The following ANXA11 variants were observed in gnomAD, a reference collection of about 807,000 sequenced individuals.
The protein encoded by ANXA11 is 56 kDa autoantigen.
ANXA11 carries 57 observed loss-of-function variants against 64.7 expected under a neutral mutation model. The ratio of observed to expected loss-of-function variants is 0.88; its 90% CI spans 0.71 to 1.10. The LOEUF is 1.10. ANXA11 is among the 50% of genes least tolerant of loss of function. ANXA11 has a pLI of 0.00. For missense variants in ANXA11, 675 were observed against 670.7 expected (o/e 1.01, Z -0.07); for synonymous variants, 260 against 265.2 (o/e 0.98, Z 0.19).
chr10:80,165,455 G>A (rs1480025365), intron 8 of ANXA11, among the ~76,000 whole-genome samples: 1 of 152,186 alleles, frequency 6.6e-6, no homozygotes, highest in Admixed American at 6.5e-5. Context: ...AGCCGGGCCC[G>A]TCAGAACCTG....
chr10:80,158,167 A>G, intron 13 of ANXA11, 142 bp from the exon 14 acceptor site: 1 of 763,424 alleles, frequency 1.3e-6, no homozygotes, highest in South Asian at 1.7e-5. Context: ...CTTCTGTTCC[A>G]GGCTCAACTA....
At position 80,157,669 on chromosome 10, in the gene ANXA11, T is replaced by A. The variant is rs771674112; in HGVS notation, c.1430A>T (p.Tyr477Phe). ...GATGTCGTGGTACAGCGACTTGCCG[T>A]ACATCCGCTTATACTCTGATCTGAT... is the stretch of plus-strand genomic sequence containing the variant. ...LDIRSEYKRM[Y>F]GKSLYHDISG... The change falls in exon 15 of 16, where the codon TAC (tyrosine) becomes TTC (phenylalanine). Residue 477 changes from tyrosine to phenylalanine, a missense_variant. By Grantham distance (22) the Tyr-to-Phe change is conservative. Coordinates refer to ENST00000422982, the MANE Select transcript of ANXA11 (RefSeq NM_145868.2). The A allele has an allele frequency of 1.2e-6, 2 of 1,613,850 alleles. No homozygotes were observed. Among genetic ancestry groups the A allele is most frequent in the East Asian group, 4.5e-5 (2 of 44,830 alleles).
rs1308503235 is a variant in ANXA11 at position 80,154,542 on chromosome 10, T to C, written c.*1311A>G. On this transcript the variant is annotated 3_prime_UTR_variant, in exon 16 of 16. Coordinates refer to ENST00000422982, the MANE Select transcript of ANXA11 (RefSeq NM_145868.2). ...ATAGTGCCTAGTCGATTCTCTCTTT[T>C]CTAAACCTCAACGCAGGAGGTTGGA... 1 of 152,260 alleles carries C rather than the reference T, an allele frequency of 6.6e-6. No homozygotes were observed. The highest frequency in any genetic ancestry group is 1.5e-5 in the Non-Finnish European group (1 of 68,068). The allele number at this position is 152,260 out of a possible 1,614,324, so 9.4% of individuals were successfully genotyped here.
chr10:80,176,357 T>A (rs1488102260), intron 1 of ANXA11, among the ~76,000 whole-genome samples: 1 of 152,208 alleles, frequency 6.6e-6, no homozygotes, highest in Non-Finnish European at 1.5e-5. Context: ...ACTGTGTATG[T>A]ACTAAGCTAA....
At chr10:80,158,238 A>C (rs903840581) in intron 13 of ANXA11, among the ~76,000 whole-genome samples, 5 of 151,608 alleles carry the variant, frequency 3.3e-5, no homozygotes, top group Non-Finnish European at 7.4e-5. Context: ...AAACCAACCC[A>C]CCCTCTTTCC....
chr10:80,171,250 C>G, intron 3 of ANXA11: 1 of 1,180,472 alleles, frequency 8.5e-7, no homozygotes, highest in South Asian at 2.0e-5. Context: ...CAGACAAGGA[C>G]AGACTGTTGT....
intron 1 of ANXA11, among the ~76,000 whole-genome samples, chr10:80,178,292 G>A (rs967296001): frequency 1.3e-5 from 2 of 152,006 alleles, no homozygotes; most frequent in African/African-American, 4.8e-5. Flanking sequence ...TCCTTTCCTT[G>A]CATGGGGCAA....
At chr10:80,175,844 G>A (rs1459629623) in intron 2 of ANXA11, among the ~76,000 whole-genome samples, 1 of 152,152 alleles carries the variant, frequency 6.6e-6, no homozygotes, top group Admixed American at 6.5e-5. Flanking sequence ...ATCACCTGAG[G>A]TCAGGAGTTC....
In ANXA11 at chr10:80,169,270, G is replaced by C. The variant is rs750354161; in HGVS notation, c.260C>G (p.Pro87Arg). Residue 87 changes from proline to arginine, a missense_variant, in exon 5 of 16, where the codon CCT becomes CGT. By Grantham distance (103) the Pro-to-Arg change is moderately radical. Transcript: ENST00000422982. ...AGAGGGGGGCTGCCCAAAGCCGCCA[G>C]GGGGCACTGGTGGGTAGCCAGCCCC... ...APGAGYPPVP[P>R]GGFGQPPSAQ... 6.2e-7 allele frequency: 1 copy of C among 1,611,858 alleles called. No individual in the cohort carries two copies. Among genetic ancestry groups the C allele is most frequent in the Non-Finnish European group, 8.5e-7 (1 of 1,179,660 alleles).
At chr10:80,162,924 G>A (rs1221208295) in intron 11 of ANXA11, among the ~76,000 whole-genome samples, 2 of 152,126 alleles carry the variant, frequency 1.3e-5, no homozygotes, top group Non-Finnish European at 2.9e-5. Context: ...CTCACAAGAG[G>A]GACAACGACA....
At chr10:80,202,204 A>AG (rs143388172) in intron 1 of ANXA11, among the ~76,000 whole-genome samples, 19 of 91,644 alleles carry the variant, frequency 2.1e-4, no homozygotes, top group South Asian at 6.7e-4. Context: ...GTGGGGGGGA[A>AG]GCGGGGGGTC....
rs554770182 is a variant in ANXA11, at chr10:80,194,525, G to T, written c.-58+10818C>A. 1.3e-4 allele frequency among the ~76,000 whole-genome samples: 3 copies of T among 22,402 alleles called. No individual in the cohort carries two copies. The African/African-American group carries it at 1.8e-3, about 13-fold the overall frequency. The allele number at this position is 22,402 out of a possible 152,430, so 14.7% of individuals were successfully genotyped here. A position where few individuals can be genotyped will look rare whatever the true frequency, so the allele number is the denominator to read the frequency against. ...TTAAGAGCCACTCCTAGGAAGAGTCGGGGGGGGAAGACAAAGAATTCAGAA... is the reference window on the plus strand; with the variant it reads ...TTAAGAGCCACTCCTAGGAAGAGTCTGGGGGGGAAGACAAAGAATTCAGAA... On this transcript the variant is annotated intron_variant, in intron 1 of 15. Transcript: ENST00000422982.
chr10:80,201,328 T>C (rs57747679), intron 1 of ANXA11, among the ~76,000 whole-genome samples: 12,944 of 152,158 alleles, frequency 0.085, 1,264 homozygotes, highest in African/African-American at 0.22. Context: ...TTCTGGGTCC[T>C]TTATAGGCTC....
intron 1 of ANXA11, among the ~76,000 whole-genome samples, chr10:80,201,906 A>C (rs1442437264): frequency 6.6e-6 from 1 of 152,048 alleles, no homozygotes; most frequent in Non-Finnish European, 1.5e-5. Context: ...ATGTCCTCCA[A>C]GTCAGCCATC....
chr10:80,159,041 T>A, intron 13 of ANXA11, 59 bp downstream of exon 13: 1 of 1,330,906 alleles, frequency 7.5e-7, no homozygotes, highest in Non-Finnish European at 1.1e-6. Context: ...GCGAGCAGCC[T>A]GAACACTCAC....
chr10:80,203,351 GC>G (rs1840521469), intron 1 of ANXA11, among the ~76,000 whole-genome samples: 1 of 152,004 alleles, frequency 6.6e-6, no homozygotes, highest in African/African-American at 2.4e-5. Context: ...CCCAGGGTGG[GC>G]CCTTTCTATA....
chr10:80,158,000 G>C lies in ANXA11; in HGVS notation c.1302C>G (p.Ala434=), dbSNP rs199870592. Residue 434 remains alanine (A), a synonymous_variant, in exon 14 of 16, where the codon GCC becomes GCG. Coordinates refer to ENST00000422982, the MANE Select transcript of ANXA11 (RefSeq NM_145868.2). Reference sequence around the variant, plus strand: ...CCTTGTTGAGCCTCTCCGCAAAGAAGGCTGGGGTATTCTTGAGACATTTCA... The same window carrying C: ...CCTTGTTGAGCCTCTCCGCAAAGAACGCTGGGGTATTCTTGAGACATTTCA... The part of the protein sequence containing the change: ...AVVKCLKNTP[A]FFAERLNKAM... The C allele has an allele frequency of 2.0e-5, 32 of 1,614,110 alleles. No homozygotes were observed. The East Asian group carries it at 6.9e-4, about 35-fold the overall frequency.
chr10:80,178,775 C>T (rs2132445462), intron 1 of ANXA11, among the ~76,000 whole-genome samples: 1 of 152,334 alleles, frequency 6.6e-6, no homozygotes, highest in South Asian at 2.1e-4. Context: ...CACACTGCTT[C>T]ATCATGCATG....
chr10:80,163,924 G>T, intron 9 of ANXA11, 129 bp downstream of exon 9: 1 of 754,714 alleles, frequency 1.3e-6, no homozygotes, highest in South Asian at 1.8e-5. Context: ...AGTATTGGGG[G>T]TGGCAGAAGA....
Sources: allele counts gnomAD v4.1 joint callset (sites outside exome capture counted in the v4.1 genomes callset), GRCh38; gene constraint gnomAD v4.1.1; transcripts MANE v1.5; gene names NCBI Gene and HGNC (gene_info 2026-07-23, HGNC 2026-07-21).